CDH13: variants seen among roughly 807,000 people sequenced by gnomAD.
The protein encoded by CDH13 is cadherin 13, also known as cadherin-13.
Under a neutral mutation model 63.8 loss-of-function variants are expected in CDH13, and 24 were observed. The observed-to-expected ratio is 0.38, with a 90% CI of 0.27 to 0.53. The LOEUF (loss-of-function observed/expected upper bound fraction) is 0.53, where lower values mean the gene tolerates loss of function less well. CDH13 is among the 20% of genes least tolerant of loss of function. The probability of loss-of-function intolerance (pLI) is 0.85; values close to 1 mark genes in which losing one functional copy is unlikely to be tolerated. For synonymous variants in CDH13, 503 were observed against 355.3 expected (o/e 1.42, Z -4.67); for missense variants, 1,049 against 903.1 (o/e 1.16, Z -2.07).
At chr16:83,052,524 A>G (rs2030451571) in intron 3 of CDH13, among the ~76,000 whole-genome samples, 3 of 152,224 alleles carry the variant, frequency 2.0e-5, no homozygotes, top group Admixed American at 6.5e-5. Context: ...TCACGCCTGT[A>G]ATCCCAACAG....
chr16:82,647,467 G>A (rs1910228896), intron 1 of CDH13, among the ~76,000 whole-genome samples: 1 of 152,134 alleles, frequency 6.6e-6, no homozygotes, highest in Non-Finnish European at 1.5e-5. Flanking sequence ...GGCAAGGAAG[G>A]AAAAGGAAAC....
intron 1 of CDH13, among the ~76,000 whole-genome samples, chr16:82,743,453 G>A (rs192921712): frequency 9.3e-4 from 142 of 152,168 alleles, no homozygotes; most frequent in Non-Finnish European, 1.6e-3. Flanking sequence ...AGTCTCAAAC[G>A]ATCCACTCAC....
intron 2 of CDH13, among the ~76,000 whole-genome samples, chr16:82,932,446 C>T (rs1254590468): frequency 1.1e-4 from 16 of 152,092 alleles, no homozygotes; most frequent in Admixed American, 9.8e-4. Flanking sequence ...AGCTGACCTA[C>T]TAGAGAAAAA....
intron 1 of CDH13, among the ~76,000 whole-genome samples, chr16:82,726,369 C>T (rs1245610313): frequency 6.6e-6 from 1 of 152,166 alleles, no homozygotes; most frequent in African/African-American, 2.4e-5. Context: ...TGACTGTGTT[C>T]CAACAAAACT....
intron 3 of CDH13, among the ~76,000 whole-genome samples, chr16:83,101,199 A>G (rs1033522622): frequency 4.6e-5 from 7 of 151,168 alleles, no homozygotes; most frequent in African/African-American, 1.5e-4. Flanking sequence ...AGAAAAGTAT[A>G]TAGAGGTATG....
intron 8 of CDH13, among the ~76,000 whole-genome samples, chr16:83,635,306 G>T (rs1911153695): frequency 6.8e-6 from 1 of 146,190 alleles, no homozygotes; most frequent in South Asian, 2.2e-4. Context: ...CCATTTTCAG[G>T]ACTTTAACTT....
intron 3 of CDH13, among the ~76,000 whole-genome samples, chr16:83,097,466 C>G (rs2034262870): frequency 6.6e-6 from 1 of 152,110 alleles, no homozygotes; most frequent in African/African-American, 2.4e-5. Flanking sequence ...TGATCAAAGT[C>G]TATAAAATAA....
At chr16:82,842,482 A>G (rs1355981777) in intron 1 of CDH13, among the ~76,000 whole-genome samples, 1 of 152,030 alleles carries the variant, frequency 6.6e-6, no homozygotes, top group Non-Finnish European at 1.5e-5. Context: ...AATCAGCTAA[A>G]TGGGAGTTGT....
At chr16:82,933,454 C>G (rs1184892220) in intron 2 of CDH13, among the ~76,000 whole-genome samples, 1 of 152,154 alleles carries the variant, frequency 6.6e-6, no homozygotes, top group African/African-American at 2.4e-5. Flanking sequence ...ATTCAGATTA[C>G]CATTCAAGAT....
chr16:83,577,964 G>C (rs923640957), intron 7 of CDH13, among the ~76,000 whole-genome samples: 2 of 152,054 alleles, frequency 1.3e-5, no homozygotes, highest in African/African-American at 4.8e-5. Flanking sequence ...ACAAAAATGA[G>C]AGTTCACTAT....
intron 1 of CDH13, among the ~76,000 whole-genome samples, chr16:82,801,338 G>A (rs944621389): frequency 2.0e-5 from 3 of 152,110 alleles, no homozygotes; most frequent in Admixed American, 6.6e-5. Flanking sequence ...TAACCTCCTG[G>A]CTTGATGCTC....
chr16:82,639,302 A>G, intron 1 of CDH13: 1 of 1,265,362 alleles, frequency 7.9e-7, no homozygotes, highest in Non-Finnish European at 1.1e-6. Flanking sequence ...AACCTTCAGA[A>G]CAGGGTCAGC....
At chr16:83,762,959 T>A (rs1351381824) in intron 11 of CDH13, among the ~76,000 whole-genome samples, 1 of 152,194 alleles carries the variant, frequency 6.6e-6, no homozygotes, top group Admixed American at 6.5e-5. Context: ...TCCCTGTTAG[T>A]TCCCCCTAAG....
rs148997929 is a variant in CDH13, at chr16:83,032,235, A to T, written c.366+17A>T. 3,616 of 1,604,926 alleles carry T rather than the reference A, an allele frequency of 2.3e-3. 32 individuals are homozygous for T. In the Middle Eastern group the frequency reaches 0.025, roughly 11 times the overall value. The stretch of plus-strand genomic sequence containing the variant: ...TCCTTGCAGGTAACACATCTGTTTG[A>T]GATAACTTGGGTTCAAGGAGGACAT... On this transcript the variant is annotated intron_variant, in intron 3 of 13. Coordinates refer to ENST00000567109, the MANE Select transcript of CDH13 (RefSeq NM_001257.5).
At chr16:83,369,674 C>T (rs573294040) in intron 6 of CDH13, among the ~76,000 whole-genome samples, 1 of 152,164 alleles carries the variant, frequency 6.6e-6, no homozygotes, top group Non-Finnish European at 1.5e-5. Flanking sequence ...ATCCTACCAC[C>T]TCAGCCTCAC....
At chr16:83,017,262 C>G (rs867446322) in intron 2 of CDH13, among the ~76,000 whole-genome samples, 21 of 152,278 alleles carry the variant, frequency 1.4e-4, no homozygotes, top group Middle Eastern at 3.4e-3. Flanking sequence ...CATCTGCTGT[C>G]TGGATTTTTG....
At chr16:83,244,105 G>A (rs1904747409) in intron 5 of CDH13, among the ~76,000 whole-genome samples, 1 of 151,882 alleles carries the variant, frequency 6.6e-6, no homozygotes. Flanking sequence ...TGAAGGTGCA[G>A]TGACCCCTCT....
At chr16:82,820,947 C>G (rs753520436) in intron 1 of CDH13, among the ~76,000 whole-genome samples, 76 of 152,230 alleles carry the variant, frequency 5.0e-4, no homozygotes, top group Non-Finnish European at 9.0e-4. Flanking sequence ...TCTGTGGGAC[C>G]TGCCTCTACC....
intron 4 of CDH13, among the ~76,000 whole-genome samples, chr16:83,180,144 T>A (rs2038290181): frequency 6.7e-6 from 1 of 150,136 alleles, no homozygotes; most frequent in East Asian, 1.9e-4. Flanking sequence ...GTAAGGTTTT[T>A]TTTGTTGTTG....
Sources: gnomAD v4.1 joint callset for allele counts (sites outside exome capture counted in the v4.1 genomes callset) on GRCh38, gnomAD v4.1.1 for gene constraint, MANE v1.5 for transcripts, NCBI Gene and HGNC (gene_info 2026-07-23, HGNC 2026-07-21) for gene names.